CCR2: variants seen among roughly 807,000 people sequenced by gnomAD.
The protein encoded by CCR2 is C-C chemokine receptor type 2.
For synonymous variants in CCR2, 183 were observed against 177.1 expected, an observed-to-expected ratio of 1.03 and a Z score of -0.27; for missense variants, 408 against 440.0, an observed-to-expected ratio of 0.93 and a Z score of 0.65.
chr3:46,359,748 G>A lies in CCR2; in HGVS notation c.*1138G>A, dbSNP rs751305081. Reference sequence around the variant, plus strand: ...CCAGTGTGTGGAGGTCCAGGAGTGAGACCAGGAAAGAATGTGAAAGTGACT... The same window carrying A: ...CCAGTGTGTGGAGGTCCAGGAGTGAAACCAGGAAAGAATGTGAAAGTGACT... On this transcript the variant is annotated 3_prime_UTR_variant, in exon 2 of 2. Transcript: ENST00000445132. The A allele has an allele frequency of 6.2e-7, 1 of 1,614,090 alleles. No individual in the cohort carries two copies. The highest frequency in any genetic ancestry group is 2.2e-5 in the East Asian group (1 of 44,872).
intron 1 of CCR2, among the ~76,000 whole-genome samples, chr3:46,355,491 A>G (rs1349046919): frequency 6.6e-5 from 10 of 152,206 alleles, no homozygotes; most frequent in Non-Finnish European, 1.3e-4. Flanking sequence ...CAGTCTGGAC[A>G]TTATCTTTGA....
At position 46,359,528 on chromosome 3, in the gene CCR2, A is replaced by G. The variant is rs1701514090; in HGVS notation, c.*918A>G. 1 of 1,007,896 alleles carries G rather than the reference A, an allele frequency of 9.9e-7. No individual in the cohort carries two copies. Among genetic ancestry groups the G allele is most frequent in the Admixed American group, 3.1e-5 (1 of 32,444 alleles). 62.4% of individuals were successfully genotyped at this position (1,007,896 alleles called of 1,614,324 possible). ...GACGGGGATCGTGTGGAACCACTGCAGAACTATTTCCGAAATCAACTAAGT... is the reference window on the plus strand; with the variant it reads ...GACGGGGATCGTGTGGAACCACTGCGGAACTATTTCCGAAATCAACTAAGT... On this transcript the variant is annotated 3_prime_UTR_variant, in exon 2 of 2. Coordinates refer to ENST00000445132, the MANE Select transcript of CCR2 (RefSeq NM_001123396.4).
chr3:46,354,122 G>C lies in CCR2; in HGVS notation c.-107G>C, dbSNP rs1000199976. The C allele has an allele frequency of 6.6e-6, 1 of 151,906 alleles. No homozygotes were observed. The highest frequency in any genetic ancestry group is 6.6e-5 in the Admixed American group (1 of 15,250). The allele number at this position is 151,906 out of a possible 1,614,324, so 9.4% of individuals were successfully genotyped here. On this transcript the variant is annotated 5_prime_UTR_variant, in exon 1 of 2. Transcript: ENST00000445132. ...AAGTTTCTACCTCTAGATCTGTTTG[G>C]TTCAGTTGCTGAGAAGCCTGACATA...
Position 46,360,146 on chromosome 3 carries a change from C to T in CCR2, c.*1536C>T, listed in dbSNP as rs914339831. ...TAGTTTGAGTTACTATCATGTCAAA[C>T]GTGAAAATGCTGTATTAGTCACAGA... is the stretch of plus-strand genomic sequence containing the variant. On this transcript the variant is annotated 3_prime_UTR_variant, in exon 2 of 2. Transcript: ENST00000445132. 14 of 345,370 alleles carry T rather than the reference C, an allele frequency of 4.1e-5. No homozygotes were observed. Among genetic ancestry groups the T allele is most frequent in the African/African-American group, 6.6e-5 (3 of 45,442 alleles). 21.4% of individuals were successfully genotyped at this position (345,370 alleles called of 1,614,324 possible).
intron 1 of CCR2, among the ~76,000 whole-genome samples, chr3:46,356,679 A>G (rs1575272432): frequency 6.6e-6 from 1 of 152,120 alleles, no homozygotes; most frequent in South Asian, 2.1e-4. Flanking sequence ...CAGCAATTTG[A>G]GAGGCCAAGG....
chr3:46,354,905 A>G (rs1444259292), intron 1 of CCR2: 31 of 152,248 alleles, frequency 2.0e-4, no homozygotes, highest in Admixed American at 2.0e-3. Flanking sequence ...ATGAAATACA[A>G]GACTTGTGAA....
Position 46,360,116 on chromosome 3 carries a change from A to C in CCR2, c.*1506A>C. ...AAACTGCAACTTGTAAATGTGGTAAAGAGTTAGTTTGAGTTACTATCATGT... is the reference window on the plus strand; with the variant it reads ...AAACTGCAACTTGTAAATGTGGTAACGAGTTAGTTTGAGTTACTATCATGT... On this transcript the variant is annotated 3_prime_UTR_variant, in exon 2 of 2. Coordinates refer to ENST00000445132, the MANE Select transcript of CCR2 (RefSeq NM_001123396.4). 1 of 427,764 alleles carries C rather than the reference A, an allele frequency of 2.3e-6. No individual in the cohort carries two copies. The highest frequency in any genetic ancestry group is 4.2e-6 in the Non-Finnish European group (1 of 240,912). The allele number at this position is 427,764 out of a possible 1,614,324, so 26.5% of individuals were successfully genotyped here. A position where few individuals can be genotyped will look rare whatever the true frequency, so the allele number is the denominator to read the frequency against.
At position 46,358,833 on chromosome 3, in the gene CCR2, T is replaced by G. The variant is rs1701501176; in HGVS notation, c.*223T>G. 5.3e-6 allele frequency: 7 copies of G among 1,310,654 alleles called. No homozygotes were observed. In the South Asian group the frequency reaches 9.0e-5, roughly 17 times the overall value. The allele number at this position is 1,310,654 out of a possible 1,614,324, so 81.2% of individuals were successfully genotyped here. A position where few individuals can be genotyped will look rare whatever the true frequency, so the allele number is the denominator to read the frequency against. ...TAGAGACTTTGACTCTCCAGAAAGCTCATCTCAGCTCCTGAAAAATGCCTC... is the reference window on the plus strand; with the variant it reads ...TAGAGACTTTGACTCTCCAGAAAGCGCATCTCAGCTCCTGAAAAATGCCTC... On this transcript the variant is annotated 3_prime_UTR_variant, in exon 2 of 2. Coordinates refer to ENST00000445132, the MANE Select transcript of CCR2 (RefSeq NM_001123396.4).
Position 46,359,133 on chromosome 3 carries a change from T to C in CCR2, c.*523T>C. 3.0e-6 allele frequency: 3 copies of C among 1,007,436 alleles called. No individual in the cohort carries two copies. The highest frequency in any genetic ancestry group is 3.6e-6 in the Non-Finnish European group (3 of 834,362). The allele number at this position is 1,007,436 out of a possible 1,614,324, so 62.4% of individuals were successfully genotyped here. ...TCCTTAGCCCCATCTGCCACGTGTA[T>C]TTAACCTTGAAGGGTTCACCAGGTC... On this transcript the variant is annotated 3_prime_UTR_variant, in exon 2 of 2. Coordinates refer to ENST00000445132, the MANE Select transcript of CCR2 (RefSeq NM_001123396.4).
rs756220769 is a variant in CCR2, at chr3:46,359,630, C to T, written c.*1020C>T. 11 of 1,566,656 alleles carry T rather than the reference C, an allele frequency of 7.0e-6. No homozygotes were observed. Among genetic ancestry groups the T allele is most frequent in the Non-Finnish European group, 9.5e-6 (11 of 1,157,750 alleles). On this transcript the variant is annotated 3_prime_UTR_variant, in exon 2 of 2. Coordinates refer to ENST00000445132, the MANE Select transcript of CCR2 (RefSeq NM_001123396.4). Reference sequence around the variant, plus strand: ...TCTGAGCTGGTTTGTTTTGTGCTTGCTTTTCCCTGCCTTGCCACTCCCCTC... The same window carrying T: ...TCTGAGCTGGTTTGTTTTGTGCTTGTTTTTCCCTGCCTTGCCACTCCCCTC...
Position 46,358,860 on chromosome 3 carries a change from T to C in CCR2, c.*250T>C, listed in dbSNP as rs1701501594. On this transcript the variant is annotated 3_prime_UTR_variant, in exon 2 of 2. Coordinates refer to ENST00000445132, the MANE Select transcript of CCR2 (RefSeq NM_001123396.4). ...ATCTCAGCTCCTGAAAAATGCCTCA[T>C]TACCTTGTGCTAATCCTCTTTTTCT... The C allele has an allele frequency of 7.9e-7, 1 of 1,260,342 alleles. No individual in the cohort carries two copies. Among genetic ancestry groups the C allele is most frequent in the African/African-American group, 1.5e-5 (1 of 65,820 alleles). The allele number at this position is 1,260,342 out of a possible 1,614,324, so 78.1% of individuals were successfully genotyped here. A position where few individuals can be genotyped will look rare whatever the true frequency, so the allele number is the denominator to read the frequency against.
chr3:46,357,994 T>A lies in CCR2; in HGVS notation c.467T>A (p.Phe156Tyr). The A allele has an allele frequency of 6.2e-7, 1 of 1,614,198 alleles. No homozygotes were observed. Among genetic ancestry groups the A allele is most frequent in the South Asian group, 1.1e-5 (1 of 91,082 alleles). ...VFALKARTVT[F>Y]GVVTSVITWL... ...GCTTTAAAAGCCAGGACGGTCACCT[T>A]TGGGGTGGTGACAAGTGTGATCACC... Residue 156 changes from phenylalanine to tyrosine, a missense_variant, in exon 2 of 2, where the codon TTT (phenylalanine) becomes TAT (tyrosine). Phe to Tyr is a conservative substitution (Grantham distance 22). Transcript: ENST00000445132.
chr3:46,357,822 G>A lies in CCR2; in HGVS notation c.295G>A (p.Ala99Thr). 1 of 1,614,146 alleles carries A rather than the reference G, an allele frequency of 6.2e-7. No individual in the cohort carries two copies. Among genetic ancestry groups the A allele is most frequent in the Non-Finnish European group, 8.5e-7 (1 of 1,180,008 alleles). ...LLFLITLPLW[A>T]HSAANEWVFG... ...TTTTCTTATTACTCTCCCATTGTGGGCTCACTCTGCTGCAAATGAGTGGGT... is the reference window on the plus strand; with the variant it reads ...TTTTCTTATTACTCTCCCATTGTGGACTCACTCTGCTGCAAATGAGTGGGT... The change falls in exon 2 of 2, where the codon GCT (alanine) becomes ACT (threonine). Residue 99 changes from alanine (A) to threonine (T), a missense_variant. Physicochemically the swap from Ala to Thr is moderately conservative, Grantham distance 58 (BLOSUM62 0). Transcript: ENST00000445132.
intron 1 of CCR2, among the ~76,000 whole-genome samples, chr3:46,356,792 C>A (rs1701460382): frequency 1.3e-5 from 2 of 151,988 alleles, no homozygotes; most frequent in South Asian, 4.2e-4. Flanking sequence ...GTGGTGCACG[C>A]CTATAGTCCC....
In CCR2 at chr3:46,359,156, G is replaced by A; in HGVS notation, c.*546G>A. 1 of 1,005,486 alleles carries A rather than the reference G, an allele frequency of 9.9e-7. No homozygotes were observed. Among genetic ancestry groups the A allele is most frequent in the Non-Finnish European group, 1.2e-6 (1 of 833,448 alleles). 62.3% of individuals were successfully genotyped at this position (1,005,486 alleles called of 1,614,324 possible). A position where few individuals can be genotyped will look rare whatever the true frequency, so the allele number is the denominator to read the frequency against. ...TATTTAACCTTGAAGGGTTCACCAG[G>A]TCAGGGAGAGTTTGGGAACTGCAAT... is the stretch of plus-strand genomic sequence containing the variant. On this transcript the variant is annotated 3_prime_UTR_variant, in exon 2 of 2. Coordinates refer to ENST00000445132, the MANE Select transcript of CCR2 (RefSeq NM_001123396.4).
rs199623670 is a variant in CCR2, at chr3:46,358,388, G to C, written c.861G>C (p.Thr287=). The C allele has an allele frequency of 6.2e-7, 1 of 1,614,062 alleles. No homozygotes were observed. Among genetic ancestry groups the C allele is most frequent in the Non-Finnish European group, 8.5e-7 (1 of 1,180,008 alleles). ...GCACCAGTCAACTGGACCAAGCCAC[G>C]CAGGTGACAGAGACTCTTGGGATGA... ...CESTSQLDQA[T]QVTETLGMTH... The change falls in exon 2 of 2, where the codon ACG becomes ACC. Residue 287 remains threonine (T), a synonymous_variant. Transcript: ENST00000445132.
Position 46,358,768 on chromosome 3 carries a change from T to C in CCR2, c.*158T>C. On this transcript the variant is annotated 3_prime_UTR_variant, in exon 2 of 2. Coordinates refer to ENST00000445132, the MANE Select transcript of CCR2 (RefSeq NM_001123396.4). ...TACAGACTATGTCACCCAATGCATATCCAACATGTGCTCAGGGAATAATCC... is the reference window on the plus strand; with the variant it reads ...TACAGACTATGTCACCCAATGCATACCCAACATGTGCTCAGGGAATAATCC... 7.0e-7 allele frequency: 1 copy of C among 1,429,592 alleles called. No individual in the cohort carries two copies. The allele number at this position is 1,429,592 out of a possible 1,614,324, so 88.6% of individuals were successfully genotyped here.
chr3:46,355,431 C>T (rs1701434378), intron 1 of CCR2, among the ~76,000 whole-genome samples: 1 of 152,072 alleles, frequency 6.6e-6, no homozygotes, highest in Admixed American at 6.6e-5. Context: ...GGAGAAGGGA[C>T]TGGAGGTGAG....
Position 46,357,810 on chromosome 3 carries a change from C to G in CCR2, c.283C>G (p.Leu95Val), listed in dbSNP as rs756006925. The G allele has an allele frequency of 2.0e-5, 32 of 1,614,080 alleles. No individual in the cohort carries two copies. The highest frequency in any genetic ancestry group is 2.7e-5 in the African/African-American group (2 of 74,922). ...CTCTGATCTGCTTTTTCTTATTACT[C>G]TCCCATTGTGGGCTCACTCTGCTGC... is the stretch of plus-strand genomic sequence containing the variant. ...AISDLLFLIT[L>V]PLWAHSAANE... Residue 95 changes from leucine to valine, a missense_variant, in exon 2 of 2, where the codon CTC becomes GTC. By Grantham distance (32) the Leu-to-Val change is conservative. Coordinates refer to ENST00000445132, the MANE Select transcript of CCR2 (RefSeq NM_001123396.4).
Sources: allele counts gnomAD v4.1 joint callset (sites outside exome capture counted in the v4.1 genomes callset), GRCh38; gene constraint gnomAD v4.1.1; transcripts MANE v1.5; gene names NCBI Gene and HGNC (gene_info 2026-07-23, HGNC 2026-07-21).